GRM8: variants seen among roughly 807,000 people sequenced by gnomAD.
GRM8 encodes metabotropic glutamate receptor 8.
GRM8 carries 47 observed loss-of-function variants against 87.2 expected under a neutral mutation model. The ratio of observed to expected loss-of-function variants is 0.54; its 90% CI spans 0.43 to 0.69. The LOEUF (loss-of-function observed/expected upper bound fraction) is 0.69. Among genes scored for constraint, GRM8 ranks in the 30% least tolerant of loss-of-function variants. GRM8 has a pLI of 0.00. For synonymous variants in GRM8, 396 were observed against 404.5 expected (o/e 0.98, Z 0.25); for missense variants, 1,019 against 1,139.2 (o/e 0.89, Z 1.52).
intron 3 of GRM8, among the ~76,000 whole-genome samples, chr7:127,082,843 G>A (rs1189370354): frequency 6.6e-6 from 1 of 152,226 alleles, no homozygotes. Flanking sequence ...AGATGTGGCA[G>A]GTGGGGCTTG....
intron 7 of GRM8, among the ~76,000 whole-genome samples, chr7:126,643,803 G>A (rs552578607): frequency 6.6e-6 from 1 of 152,330 alleles, no homozygotes; most frequent in East Asian, 1.9e-4. Context: ...TCTTCCCTAT[G>A]CTTCAACATT....
intron 7 of GRM8, among the ~76,000 whole-genome samples, chr7:126,683,349 T>A (rs1278850536): frequency 6.6e-6 from 1 of 152,242 alleles, no homozygotes; most frequent in East Asian, 1.9e-4. Context: ...TGTTTGGTGC[T>A]ATGACTAACT....
At chr7:127,224,937 G>A (rs533384194) in intron 2 of GRM8, among the ~76,000 whole-genome samples, 152 of 152,102 alleles carry the variant, frequency 1.0e-3, no homozygotes, top group African/African-American at 3.4e-3. Flanking sequence ...TCTATACTTC[G>A]CTGGACCTAA....
At chr7:126,578,997 T>C (rs1011013480) in intron 8 of GRM8, among the ~76,000 whole-genome samples, 1 of 152,138 alleles carries the variant, frequency 6.6e-6, no homozygotes, top group African/African-American at 2.4e-5. Flanking sequence ...GTGCCAGTAA[T>C]AGTACCAGAC....
chr7:126,469,391 C>T (rs1323969396), intron 9 of GRM8, among the ~76,000 whole-genome samples: 1 of 151,900 alleles, frequency 6.6e-6, no homozygotes, highest in Admixed American at 6.6e-5. Context: ...GTCAAGTTAA[C>T]CCCCATGTTG....
chr7:126,838,802 C>T (rs1796021914), intron 6 of GRM8, among the ~76,000 whole-genome samples: 1 of 152,170 alleles, frequency 6.6e-6, no homozygotes, highest in Non-Finnish European at 1.5e-5. Flanking sequence ...TCACGGCTCA[C>T]ATCATATAAG....
At chr7:126,775,142 AT>A (rs1338670577) in intron 6 of GRM8, among the ~76,000 whole-genome samples, 3 of 152,106 alleles carry the variant, frequency 2.0e-5, no homozygotes, top group Non-Finnish European at 4.4e-5. Flanking sequence ...TTCTCCCTGA[AT>A]TTTTCTGAAT....
At chr7:126,731,849 CTAAG>C (rs1315892666) in intron 7 of GRM8, among the ~76,000 whole-genome samples, 5 of 151,940 alleles carry the variant, frequency 3.3e-5, no homozygotes, top group African/African-American at 7.2e-5. Flanking sequence ...AAAAATAAAT[CTAAG>C]TAATCAATTA....
chr7:126,821,644 C>A (rs1239388847), intron 6 of GRM8, among the ~76,000 whole-genome samples: 1 of 152,098 alleles, frequency 6.6e-6, no homozygotes, highest in South Asian at 2.1e-4. Context: ...CAGAGCAATT[C>A]TTTTTTCTTA....
At chr7:127,136,688 T>C (rs918281792) in intron 2 of GRM8, among the ~76,000 whole-genome samples, 6 of 151,980 alleles carry the variant, frequency 3.9e-5, no homozygotes, top group Non-Finnish European at 8.8e-5. Context: ...ACTATTTCTA[T>C]AAACATGTAT....
At chr7:126,899,012 G>A (rs1197160510) in intron 6 of GRM8, among the ~76,000 whole-genome samples, 1 of 146,178 alleles carries the variant, frequency 6.8e-6, no homozygotes, top group Non-Finnish European at 1.5e-5. Context: ...TCCCACTTAC[G>A]AGTGTAAAAA....
At chr7:126,745,547 T>C (rs191751901) in intron 7 of GRM8, among the ~76,000 whole-genome samples, 1 of 151,818 alleles carries the variant, frequency 6.6e-6, no homozygotes, top group African/African-American at 2.4e-5. Flanking sequence ...AATTATTCAA[T>C]CGCATCTGCT....
intron 8 of GRM8, among the ~76,000 whole-genome samples, chr7:126,581,128 T>C (rs1795570060): frequency 6.6e-6 from 1 of 152,036 alleles, no homozygotes; most frequent in African/African-American, 2.4e-5. Context: ...TCTTGAAAGT[T>C]ATTTCAGCCT....
intron 9 of GRM8, among the ~76,000 whole-genome samples, chr7:126,507,507 A>G (rs1810663360): frequency 6.6e-6 from 1 of 152,126 alleles, no homozygotes; most frequent in East Asian, 1.9e-4. Context: ...TGTTATTAGC[A>G]TAACTATGAC....
At chr7:126,678,422 A>G (rs1319105956) in intron 7 of GRM8, among the ~76,000 whole-genome samples, 1 of 152,214 alleles carries the variant, frequency 6.6e-6, no homozygotes, top group Non-Finnish European at 1.5e-5. Flanking sequence ...CATCCATAAA[A>G]AAGCCACTGA....
intron 3 of GRM8, among the ~76,000 whole-genome samples, chr7:127,019,583 A>G (rs1403295184): frequency 6.6e-6 from 1 of 152,076 alleles, no homozygotes; most frequent in Non-Finnish European, 1.5e-5. Context: ...TGACACTGCC[A>G]TTTTGCAGGA....
chr7:127,148,423 A>G (rs530260896), intron 2 of GRM8, among the ~76,000 whole-genome samples: 1 of 151,996 alleles, frequency 6.6e-6, no homozygotes, highest in Admixed American at 6.6e-5. Flanking sequence ...AAGCAAAAAA[A>G]AAAAATAATA....
At chr7:126,941,337 G>C in intron 3 of GRM8, among the ~76,000 whole-genome samples, 1 of 151,900 alleles carries the variant, frequency 6.6e-6, no homozygotes, top group East Asian at 1.9e-4. Context: ...GCCTTGCGCG[G>C]TGACTCACGG....
chr7:126,661,024 T>A (rs1329797882), intron 7 of GRM8, among the ~76,000 whole-genome samples: 1 of 152,088 alleles, frequency 6.6e-6, no homozygotes, highest in Non-Finnish European at 1.5e-5. Context: ...AGAGATGGCA[T>A]GGAGAGGAGG....
Sources: gnomAD v4.1 joint callset for allele counts (sites outside exome capture counted in the v4.1 genomes callset) on GRCh38, gnomAD v4.1.1 for gene constraint, MANE v1.5 for transcripts, NCBI Gene and HGNC (gene_info 2026-07-23, HGNC 2026-07-21) for gene names.